CHD1: variants seen among roughly 807,000 people sequenced by gnomAD.
The protein encoded by CHD1 is ATP-dependent chromatin remodeler CHD1.
In CHD1, 36 loss-of-function variants were observed where a neutral mutation model predicts 224.2. The observed-to-expected ratio is 0.16, with a 90% CI of 0.12 to 0.21. The LOEUF (loss-of-function observed/expected upper bound fraction) is 0.21. CHD1 is among the 10% of genes least tolerant of loss of function. The pLI, the probability that CHD1 is intolerant of heterozygous loss-of-function variation, is 1.00. For missense variants in CHD1, 1,378 were observed against 1,994.8 expected, an observed-to-expected ratio of 0.69 and a Z score of 5.89; for synonymous variants, 668 against 658.3, an observed-to-expected ratio of 1.01 and a Z score of -0.23.
intron 2 of CHD1, among the ~76,000 whole-genome samples, chr5:98,918,580 C>T (rs938453992): frequency 4.7e-5 from 7 of 150,386 alleles, no homozygotes; most frequent in East Asian, 2.0e-4. Flanking sequence ...CTATCCTGGC[C>T]AACATGGTGA....
At chr5:98,857,788 G>A (rs576625857) in intron 35 of CHD1, among the ~76,000 whole-genome samples, 10 of 151,868 alleles carry the variant, frequency 6.6e-5, no homozygotes, top group East Asian at 1.9e-4. Flanking sequence ...AATTTTTCCC[G>A]ACTTTTTAAA....
chr5:98,916,122 G>A (rs901198975), intron 2 of CHD1, among the ~76,000 whole-genome samples: 11 of 152,052 alleles, frequency 7.2e-5, no homozygotes, highest in Non-Finnish European at 1.5e-4. Flanking sequence ...AACCCAGGAG[G>A]TGGAAGTTCC....
At chr5:98,925,222 C>T (rs1459486164) in intron 2 of CHD1, among the ~76,000 whole-genome samples, 1 of 151,868 alleles carries the variant, frequency 6.6e-6, no homozygotes, top group African/African-American at 2.4e-5. Flanking sequence ...TATTTTAAGC[C>T]CTTTACATGA....
At chr5:98,890,460 TA>T (rs1410039985) in intron 15 of CHD1, among the ~76,000 whole-genome samples, 2 of 152,174 alleles carry the variant, frequency 1.3e-5, no homozygotes, top group Non-Finnish European at 2.9e-5. Context: ...TCTCTAGAGG[TA>T]AAAATTCTAA....
Position 98,903,136 on chromosome 5 carries a change from T to C in CHD1, c.373-172A>G, listed in dbSNP as rs112270555. 5.6e-3 allele frequency among the ~76,000 whole-genome samples: 855 copies of C among 152,316 alleles called. 8 individuals carry two copies. Among genetic ancestry groups the C allele is most frequent in the African/African-American group, 0.019 (792 of 41,574 alleles). The stretch of plus-strand genomic sequence containing the variant: ...CTAGCTGAAAGTAATAACATTTTTA[T>C]TGCAAATTAATATAGCCAGTGAAAT... On this transcript the variant is annotated intron_variant, in intron 4 of 35. Transcript: ENST00000614616.
At chr5:98,861,063 T>A (rs1748432527) in intron 32 of CHD1, among the ~76,000 whole-genome samples, 1 of 152,182 alleles carries the variant, frequency 6.6e-6, no homozygotes, top group Non-Finnish European at 1.5e-5. Flanking sequence ...AATTATATCA[T>A]CCGAATGACT....
At chr5:98,916,165 C>CTAGGCAACA (rs1424860522) in intron 2 of CHD1, among the ~76,000 whole-genome samples, 5 of 151,944 alleles carry the variant, frequency 3.3e-5, no homozygotes, top group African/African-American at 1.2e-4. Context: ...GCACTCCAGC[C>CTAGGCAACA]TAGGCAACAA....
chr5:98,882,385 G>A (rs1023749270), intron 19 of CHD1, among the ~76,000 whole-genome samples: 1 of 139,764 alleles, frequency 7.2e-6, no homozygotes, highest in African/African-American at 2.6e-5. Flanking sequence ...AGGAATGACA[G>A]TAATTTTTAT....
At position 98,904,141 on chromosome 5, in the gene CHD1, T is replaced by C. The variant is rs539733373; in HGVS notation, c.256-233A>G. ...GTTCCACAGACAATATTAATCAATA[T>C]CCTCTTGATGCTAAGAGTATTATTT... On this transcript the variant is annotated intron_variant, in intron 3 of 35. Coordinates refer to ENST00000614616, the MANE Select transcript of CHD1 (RefSeq NM_001270.4). 1.2e-4 allele frequency among the ~76,000 whole-genome samples: 18 copies of C among 152,284 alleles called. No individual in the cohort carries two copies. The South Asian group carries it at 3.7e-3, about 32-fold the overall frequency.
intron 1 of CHD1, 61 bp from the exon 2 acceptor site, chr5:98,926,595 C>A: frequency 2.8e-6 from 1 of 355,238 alleles, no homozygotes; most frequent in Non-Finnish European, 5.0e-6. Flanking sequence ...AAATTAAGCC[C>A]TGTCTAAAAC....
intron 2 of CHD1, among the ~76,000 whole-genome samples, chr5:98,911,146 AATATATAT>A (rs1158932549): frequency 3.3e-4 from 13 of 39,128 alleles, no homozygotes; most frequent in African/African-American, 1.3e-3. Context: ...AAAAAAAAAA[AATATATAT>A]ATATATATAT....
In CHD1 at chr5:98,854,455, AAT is replaced by A. The variant is rs1383331023; in HGVS notation, c.*1923_*1924del. On this transcript the variant is annotated 3_prime_UTR_variant, in exon 36 of 36. Coordinates refer to ENST00000614616, the MANE Select transcript of CHD1 (RefSeq NM_001270.4). ...AGTCAAATGCTATCTTGTGGAATAA[AAT>A]AGTCATACTAAATGTAGAGAAAAGT... The A allele has an allele frequency of 6.6e-6, 1 of 152,160 alleles. No individual in the cohort carries two copies. The highest frequency in any genetic ancestry group is 1.9e-4 in the East Asian group (1 of 5,206). The allele number at this position is 152,160 out of a possible 1,614,324, so 9.4% of individuals were successfully genotyped here.
intron 2 of CHD1, among the ~76,000 whole-genome samples, chr5:98,911,745 C>T (rs963971555): frequency 2.6e-5 from 4 of 151,978 alleles, no homozygotes; most frequent in Admixed American, 2.6e-4. Flanking sequence ...TAAGTGAATA[C>T]CAGAAAAACC....
chr5:98,926,727 G>C (rs1753481235), intron 1 of CHD1, among the ~76,000 whole-genome samples, 193 bp from the exon 2 acceptor site: 1 of 152,112 alleles, frequency 6.6e-6, no homozygotes, highest in African/African-American at 2.4e-5. Flanking sequence ...CTAGAATTTA[G>C]TATGCTACTG....
At chr5:98,891,779 C>T (rs1177851885) in intron 15 of CHD1, among the ~76,000 whole-genome samples, 2 of 152,166 alleles carry the variant, frequency 1.3e-5, no homozygotes, top group Non-Finnish European at 2.9e-5. Context: ...CCACTGTACT[C>T]CAGCCTGGAG....
chr5:98,875,774 G>C (rs1026364815), intron 24 of CHD1, among the ~76,000 whole-genome samples: 2 of 152,048 alleles, frequency 1.3e-5, no homozygotes, highest in Non-Finnish European at 2.9e-5. Context: ...TGGCTTCAAA[G>C]AAACTTTCAA....
chr5:98,858,960 A>G lies in CHD1; in HGVS notation c.4576+4T>C. ...TATTTTCCCAATCAGTAAGGCTTAC[A>G]TACCTGGATTTCTAATCACGTGAGG... On this transcript the variant is annotated splice_donor_region_variant and intron_variant, in intron 34 of 35. Coordinates refer to ENST00000614616, the MANE Select transcript of CHD1 (RefSeq NM_001270.4). 1.3e-6 allele frequency: 2 copies of G among 1,545,552 alleles called. No homozygotes were observed. The highest frequency in any genetic ancestry group is 1.7e-6 in the Non-Finnish European group (2 of 1,155,004).
In CHD1 at chr5:98,892,433, T is replaced by C. The variant is rs564549039; in HGVS notation, c.2180+92A>G. On this transcript the variant is annotated intron_variant, in intron 15 of 35. Transcript: ENST00000614616. Reference sequence around the variant, plus strand: ...GAATTGCAACTGCTCTAAGACACTATTGTAGAGAAGGTGGGGGCACCAAAA... The same window carrying C: ...GAATTGCAACTGCTCTAAGACACTACTGTAGAGAAGGTGGGGGCACCAAAA... The C allele has an allele frequency of 1.9e-4, 165 of 848,246 alleles. No homozygotes were observed. The Middle Eastern group carries it at 2.0e-3, about 10-fold the overall frequency. The allele number at this position is 848,246 out of a possible 1,614,324, so 52.5% of individuals were successfully genotyped here. A position where few individuals can be genotyped will look rare whatever the true frequency, so the allele number is the denominator to read the frequency against.
chr5:98,884,898 ATTTTT>A (rs1361050180), intron 18 of CHD1, among the ~76,000 whole-genome samples: 1 of 150,948 alleles, frequency 6.6e-6, no homozygotes, highest in African/African-American at 2.4e-5. Context: ...TTTACTTTTT[ATTTTT>A]ATTTTTTTTT....
Sources: allele counts gnomAD v4.1 joint callset (sites outside exome capture counted in the v4.1 genomes callset), GRCh38; gene constraint gnomAD v4.1.1; transcripts MANE v1.5; gene names NCBI Gene and HGNC (gene_info 2026-07-23, HGNC 2026-07-21).